SPATA6L: variants seen among roughly 807,000 people sequenced by gnomAD.
SPATA6L encodes the protein spermatogenesis associated 6 like.
Under a neutral mutation model 49.2 loss-of-function variants are expected in SPATA6L, and 68 were observed. The ratio of observed to expected loss-of-function variants is 1.38; its 90% CI spans 1.14 to 1.69. The LOEUF (loss-of-function observed/expected upper bound fraction) is 1.69, where lower values mean the gene tolerates loss of function less well. SPATA6L is among the 40% of genes most tolerant of loss of function. SPATA6L has a pLI of 0.00. For synonymous variants in SPATA6L, 198 were observed against 165.7 expected (o/e 1.19, Z -1.50); for missense variants, 668 against 464.3 (o/e 1.44, Z -4.03).
chr9:4,609,379 T>C (rs1826104498), intron 9 of SPATA6L, among the ~76,000 whole-genome samples: 1 of 152,150 alleles, frequency 6.6e-6, no homozygotes, highest in Non-Finnish European at 1.5e-5. Flanking sequence ...TTGATGAACA[T>C]TGATGCAAAA....
chr9:4,616,025 C>T (rs1827900439), intron 9 of SPATA6L, among the ~76,000 whole-genome samples: 1 of 152,102 alleles, frequency 6.6e-6, no homozygotes, highest in African/African-American at 2.4e-5. Flanking sequence ...ATGCCTGTAC[C>T]CAGCACTTTG....
rs149602504 is a variant in SPATA6L, at chr9:4,622,472, C to A, written c.708G>T (p.Glu236Asp). Residue 236 changes from glutamate (E) to aspartate (D), a missense_variant, in exon 7 of 12, where the codon GAG (glutamate) becomes GAT (aspartate). Physicochemically the swap from Glu to Asp is conservative, Grantham distance 45. Coordinates refer to ENST00000682582, the MANE Select transcript of SPATA6L (RefSeq NM_001353486.2). ...SAKPFGENIS[E>D]HHLRRSRRKS... Reference sequence around the variant, plus strand: ...TTCTTCTAGACCTCCTCAAATGATGCTCTGAAATATTCTCACCAAAGGGCT... The same window carrying A: ...TTCTTCTAGACCTCCTCAAATGATGATCTGAAATATTCTCACCAAAGGGCT... 22,148 of 1,613,432 alleles carry A rather than the reference C, an allele frequency of 0.014. 207 individuals carry two copies. Among genetic ancestry groups the A allele is most frequent in the Non-Finnish European group, 0.015 (18,190 of 1,179,666 alleles).
intron 3 of SPATA6L, among the ~76,000 whole-genome samples, chr9:4,639,168 C>T (rs1264955387): frequency 6.6e-6 from 1 of 152,184 alleles, no homozygotes; most frequent in Non-Finnish European, 1.5e-5. Context: ...ACCACGATTG[C>T]TCCCTGACAC....
At position 4,625,445 on chromosome 9, in the gene SPATA6L, G is replaced by A; in HGVS notation, c.551C>T (p.Ala184Val). The A allele has an allele frequency of 6.2e-7, 1 of 1,614,124 alleles. No individual in the cohort carries two copies. The highest frequency in any genetic ancestry group is 8.5e-7 in the Non-Finnish European group (1 of 1,179,988). Residue 184 changes from alanine (A) to valine (V), a missense_variant, in exon 6 of 12, where the codon GCC becomes GTC. By Grantham distance (64) the Ala-to-Val change is moderately conservative. Coordinates refer to ENST00000682582, the MANE Select transcript of SPATA6L (RefSeq NM_001353486.2). ...NLNRLPKGMQ[A>V]RAPSQYSTRH... ...GGTAGAATATTGAGAGGGCGCCCGG[G>A]CTTGCATGCCTTTGGGCAGTCTGTT...
intron 2 of SPATA6L, among the ~76,000 whole-genome samples, chr9:4,661,201 A>G (rs977515669): frequency 1.2e-4 from 18 of 152,316 alleles, no homozygotes; most frequent in Middle Eastern, 3.4e-3. Context: ...ATCTCCCTCA[A>G]TGACATTGTT....
At chr9:4,623,986 C>G (rs1386243536) in intron 6 of SPATA6L, among the ~76,000 whole-genome samples, 2 of 152,152 alleles carry the variant, frequency 1.3e-5, no homozygotes, top group African/African-American at 4.8e-5. Flanking sequence ...AGTTTCTAGC[C>G]AAACAGCTCT....
chr9:4,625,770 T>C (rs1015561694), intron 5 of SPATA6L: 4 of 379,996 alleles, frequency 1.1e-5, no homozygotes, highest in African/African-American at 8.4e-5. Context: ...TATAACTTGC[T>C]AGTATAATGT....
Position 4,666,398 on chromosome 9 carries a change from C to A in SPATA6L, c.-148G>T, listed in dbSNP as rs57032514. Reference sequence around the variant, plus strand: ...CGCCCTTGTTCCCCTACCGTCCCCCCCAGCCCAGGTCCCTCCCACCGGGAC... The same window carrying A: ...CGCCCTTGTTCCCCTACCGTCCCCCACAGCCCAGGTCCCTCCCACCGGGAC... On this transcript the variant is annotated 5_prime_UTR_variant, in exon 1 of 12. Transcript: ENST00000682582. 0.035 allele frequency: 28,149 copies of A among 800,266 alleles called. 1,614 individuals are homozygous for A. The highest frequency in any genetic ancestry group is 0.21 in the East Asian group (7,861 of 37,600). 49.6% of individuals were successfully genotyped at this position (800,266 alleles called of 1,614,324 possible).
At chr9:4,643,280 A>G (rs1461687814) in intron 3 of SPATA6L, among the ~76,000 whole-genome samples, 2 of 152,254 alleles carry the variant, frequency 1.3e-5, no homozygotes, top group Admixed American at 6.5e-5. Context: ...TGCTGGGATT[A>G]TAAGCGTGAG....
rs1822618347 is a variant in SPATA6L, at chr9:4,599,001, G to C, written c.*1810C>G. Among the ~76,000 whole-genome samples, 2 of 152,170 alleles carry C rather than the reference G, an allele frequency of 1.3e-5. No individual in the cohort carries two copies. The highest frequency in any genetic ancestry group is 4.1e-4 in the South Asian group (2 of 4,832). Reference sequence around the variant, plus strand: ...TTTTGGTTTTTGTTTTTGTATTTTGGAATATTTACATAAACACAATGAAGT... The same window carrying C: ...TTTTGGTTTTTGTTTTTGTATTTTGCAATATTTACATAAACACAATGAAGT... On this transcript the variant is annotated 3_prime_UTR_variant, in exon 12 of 12. Coordinates refer to ENST00000682582, the MANE Select transcript of SPATA6L (RefSeq NM_001353486.2).
chr9:4,651,933 C>G (rs1017933003), intron 3 of SPATA6L, among the ~76,000 whole-genome samples: 1 of 152,092 alleles, frequency 6.6e-6, no homozygotes, highest in Non-Finnish European at 1.5e-5. Flanking sequence ...CAATACTGTA[C>G]TGGAGATTCT....
At chr9:4,616,943 A>T (rs117522627) in intron 9 of SPATA6L, among the ~76,000 whole-genome samples, 2,041 of 152,364 alleles carry the variant, frequency 0.013, 13 homozygotes, top group South Asian at 0.023. Context: ...GTAACTAATC[A>T]AAAGCTCGTC....
chr9:4,654,786 G>A (rs7864989), intron 3 of SPATA6L, among the ~76,000 whole-genome samples: 7,415 of 152,122 alleles, frequency 0.049, 383 homozygotes, highest in African/African-American at 0.12. Flanking sequence ...TTCTGTCTCT[G>A]CCTTGCTAGG....
Position 4,663,197 on chromosome 9 carries a change from C to G in SPATA6L, c.40-1161G>C, listed in dbSNP as rs765592438. The G allele has an allele frequency of 3.1e-6, 5 of 1,614,022 alleles. No homozygotes were observed. In the African/African-American group the frequency reaches 6.7e-5, roughly 22 times the overall value. ...TTCTGGGCTACATGCAGTACAGCAT[C>G]GTGGACTATTGCTGGCTCTCACCCC... On this transcript the variant is annotated intron_variant, in intron 1 of 11. Coordinates refer to ENST00000682582, the MANE Select transcript of SPATA6L (RefSeq NM_001353486.2).
chr9:4,665,548 A>G (rs984248568), intron 1 of SPATA6L, among the ~76,000 whole-genome samples: 2 of 152,240 alleles, frequency 1.3e-5, no homozygotes, highest in African/African-American at 4.8e-5. Flanking sequence ...TTGTAATCAT[A>G]GCCAGTAGAA....
chr9:4,646,530 TA>T (rs1564285406), intron 3 of SPATA6L: 3 of 1,494,892 alleles, frequency 2.0e-6, no homozygotes, highest in Non-Finnish European at 1.8e-6. Flanking sequence ...CTAGGAAGCC[TA>T]AAAAGGAAAA....
chr9:4,593,331 T>G (rs563109458), downstream of SPATA6L, among the ~76,000 whole-genome samples: 5 of 152,182 alleles, frequency 3.3e-5, no homozygotes, highest in Admixed American at 6.5e-5. Context: ...TTTAAATATG[T>G]CTAGATTATC....
intron 2 of SPATA6L, among the ~76,000 whole-genome samples, chr9:4,656,449 G>GT (rs1838219698): frequency 1.2e-5 from 1 of 85,016 alleles, no homozygotes; most frequent in African/African-American, 5.9e-5. Context: ...AGAAAGGAAG[G>GT]AAGGAAGGAA....
intron 9 of SPATA6L, among the ~76,000 whole-genome samples, chr9:4,609,023 C>T (rs367607190): frequency 7.9e-5 from 12 of 151,272 alleles, no homozygotes; most frequent in South Asian, 4.2e-4. Flanking sequence ...AACACCTCTA[C>T]GCAAATAAAC....
Sources: allele counts gnomAD v4.1 joint callset (sites outside exome capture counted in the v4.1 genomes callset), GRCh38; gene constraint gnomAD v4.1.1; transcripts MANE v1.5; gene names NCBI Gene and HGNC (gene_info 2026-07-23, HGNC 2026-07-21).